Variants in MALRD1 observed in about 807,000 individuals in gnomAD.
MALRD1 encodes the protein MAM and LDL-receptor class A domain-containing protein 1.
MALRD1 carries 247 observed loss-of-function variants against 242.1 expected under a neutral mutation model. That is an observed-to-expected ratio of 1.02 (90% CI 0.92 to 1.13). The LOEUF (loss-of-function observed/expected upper bound fraction) is 1.13. MALRD1 is among the 50% of genes most tolerant of loss of function. The pLI, the probability that MALRD1 is intolerant of heterozygous loss-of-function variation, is 0.00. For synonymous variants in MALRD1, 995 were observed against 866.6 expected (o/e 1.15, Z -2.60); for missense variants, 2,989 against 2,533.1 (o/e 1.18, Z -3.86).
intron 10 of MALRD1, among the ~76,000 whole-genome samples, chr10:19,140,391 GTT>G (rs1833495617): frequency 6.6e-6 from 1 of 152,102 alleles, no homozygotes; most frequent in Non-Finnish European, 1.5e-5. Flanking sequence ...GATTTTTGAT[GTT>G]TATTAACATA....
upstream of MALRD1, chr10:19,048,786 GGGGA>G: frequency 2.1e-6 from 1 of 481,878 alleles, no homozygotes; most frequent in Non-Finnish European, 3.3e-6. Context: ...TTAACTGCCT[GGGGA>G]GTAATTTGTT....
Position 19,483,624 on chromosome 10 carries a change from T to A in MALRD1, c.5030-7893T>A, listed in dbSNP as rs531509868. On this transcript the variant is annotated intron_variant, in intron 29 of 39. Coordinates refer to ENST00000454679, the MANE Select transcript of MALRD1 (RefSeq NM_001142308.3). ...TCACATCAGTCAGAATGGTTACTATTAGAAAGCCAAAAAATAACAGATGCT... is the reference window on the plus strand; with the variant it reads ...TCACATCAGTCAGAATGGTTACTATAAGAAAGCCAAAAAATAACAGATGCT... Among the ~76,000 whole-genome samples the A allele has an allele frequency of 2.6e-5, 4 of 152,250 alleles. No homozygotes were observed. In the East Asian group the frequency reaches 7.7e-4, roughly 29 times the overall value.
chr10:19,583,340 G>C (rs796378941), intron 33 of MALRD1, among the ~76,000 whole-genome samples: 2 of 150,092 alleles, frequency 1.3e-5, no homozygotes, highest in East Asian at 4.0e-4. Context: ...TGCCCATTCA[G>C]TATGATATTG....
chr10:19,306,830 C>G (rs957533689), intron 21 of MALRD1, among the ~76,000 whole-genome samples: 1 of 151,152 alleles, frequency 6.6e-6, no homozygotes, highest in African/African-American at 2.4e-5. Context: ...GGGAAATGCC[C>G]CTTATAAAGC....
intron 38 of MALRD1, among the ~76,000 whole-genome samples, chr10:19,715,289 A>C (rs953042438): frequency 1.3e-5 from 2 of 151,718 alleles, no homozygotes; most frequent in Non-Finnish European, 2.9e-5. Context: ...ATAAGAAACT[A>C]AACTAAGAAA....
intron 10 of MALRD1, among the ~76,000 whole-genome samples, chr10:19,139,153 A>C (rs1031700116): frequency 6.6e-6 from 1 of 152,200 alleles, no homozygotes; most frequent in African/African-American, 2.4e-5. Flanking sequence ...ATATATATAC[A>C]ATTATGTATG....
chr10:19,205,711 A>G (rs74645519), intron 17 of MALRD1, among the ~76,000 whole-genome samples: 5,321 of 152,156 alleles, frequency 0.035, 151 homozygotes, highest in Middle Eastern at 0.11. Context: ...TGTGGCTGCA[A>G]GGCAGATGGA....
chr10:19,588,537 C>G (rs943178566), intron 33 of MALRD1, among the ~76,000 whole-genome samples: 5 of 152,198 alleles, frequency 3.3e-5, no homozygotes. Flanking sequence ...AATTTCCTGA[C>G]AAAGCACAAG....
intron 26 of MALRD1, among the ~76,000 whole-genome samples, chr10:19,356,903 G>C (rs993170965): frequency 8.6e-5 from 13 of 152,034 alleles, no homozygotes; most frequent in Non-Finnish European, 1.6e-4. Context: ...GAGGTCAGGA[G>C]TTCAAGACCA....
chr10:19,625,394 C>G (rs1839607938), intron 36 of MALRD1, among the ~76,000 whole-genome samples: 1 of 152,006 alleles, frequency 6.6e-6, no homozygotes, highest in South Asian at 2.1e-4. Context: ...TTACGCTTCC[C>G]CACCTTGACT....
chr10:19,301,811 A>G (rs1421326148), intron 21 of MALRD1, among the ~76,000 whole-genome samples: 1 of 151,768 alleles, frequency 6.6e-6, no homozygotes, highest in East Asian at 1.9e-4. Flanking sequence ...AACCTCAGTG[A>G]CACAGAATTT....
Position 19,692,505 on chromosome 10 carries a change from A to G in MALRD1, c.6265A>G (p.Ile2089Val), listed in dbSNP as rs1833126077. Residue 2089 changes from isoleucine (I) to valine (V), a missense_variant, in exon 38 of 40, where the codon ATC becomes GTC. By Grantham distance (29) the Ile-to-Val change is conservative. Transcript: ENST00000454679. Reference protein sequence around the residue: ...GIGLAFLMTHITVAVLCFLAN... With the variant: ...GIGLAFLMTHVTVAVLCFLAN... ...TGGATTAGCATTCCTGATGACTCAC[A>G]TCACAGTTGCAGTCTTGTGTTTTCT... The G allele has an allele frequency of 1.3e-6, 2 of 1,536,004 alleles. No homozygotes were observed. Among genetic ancestry groups the G allele is most frequent in the Non-Finnish European group, 1.7e-6 (2 of 1,146,618 alleles).
At chr10:19,271,326 G>A (rs1244959325) in intron 19 of MALRD1, among the ~76,000 whole-genome samples, 2 of 152,124 alleles carry the variant, frequency 1.3e-5, no homozygotes, top group African/African-American at 4.8e-5. Flanking sequence ...ATACCACATG[G>A]CATTGGTTAA....
At chr10:19,499,456 A>C (rs1287259812) in intron 31 of MALRD1, among the ~76,000 whole-genome samples, 5 of 151,538 alleles carry the variant, frequency 3.3e-5, no homozygotes, top group African/African-American at 9.7e-5. Context: ...AAAAAAAAAA[A>C]AAAAAACCAG....
chr10:19,596,962 A>AAAC (rs1426611687), intron 34 of MALRD1, among the ~76,000 whole-genome samples: 9 of 152,128 alleles, frequency 5.9e-5, no homozygotes, highest in African/African-American at 2.2e-4. Context: ...GGACCTCTAG[A>AAAC]AATCTGGAAC....
intron 21 of MALRD1, among the ~76,000 whole-genome samples, chr10:19,307,111 A>G (rs1271951012): frequency 6.6e-6 from 1 of 151,580 alleles, no homozygotes; most frequent in Non-Finnish European, 1.5e-5. Flanking sequence ...GTCTGCAGTT[A>G]TGACATAAAC....
At chr10:19,368,888 TG>T (rs758800839) in intron 26 of MALRD1, among the ~76,000 whole-genome samples, 28,033 of 142,362 alleles carry the variant, frequency 0.2, 2,946 homozygotes, top group African/African-American at 0.27. Context: ...TGTGTGTGTG[TG>T]TTTGTGTGTG....
At chr10:19,607,008 A>G (rs553710721) in intron 34 of MALRD1, among the ~76,000 whole-genome samples, 17 of 152,174 alleles carry the variant, frequency 1.1e-4, no homozygotes, top group Non-Finnish European at 2.2e-4. Context: ...ACAGAAAGGT[A>G]AAGTGCTTTG....
chr10:19,501,528 G>A (rs1837971112), intron 31 of MALRD1, among the ~76,000 whole-genome samples: 1 of 152,172 alleles, frequency 6.6e-6, no homozygotes, highest in African/African-American at 2.4e-5. Context: ...AAAGCAATAT[G>A]CAAAATGTTA....
Sources: gnomAD v4.1 joint callset for allele counts (sites outside exome capture counted in the v4.1 genomes callset) on GRCh38, gnomAD v4.1.1 for gene constraint, MANE v1.5 for transcripts, NCBI Gene and HGNC (gene_info 2026-07-23, HGNC 2026-07-21) for gene names.